XPO7: variants seen among roughly 807,000 people sequenced by gnomAD.
The protein encoded by XPO7 is exportin-7.
In XPO7, 21 loss-of-function variants were observed where a neutral mutation model predicts 144.3. The ratio of observed to expected loss-of-function variants is 0.15; its 90% CI spans 0.10 to 0.21. XPO7 has a LOEUF of 0.21. XPO7 is among the 10% of genes least tolerant of loss of function. The pLI, the probability that XPO7 is intolerant of heterozygous loss-of-function variation, is 1.00. For synonymous variants in XPO7, 580 were observed against 499.6 expected, an observed-to-expected ratio of 1.16 and a Z score of -2.15; for missense variants, 808 against 1,325.8, an observed-to-expected ratio of 0.61 and a Z score of 6.06.
At chr8:21,920,882 A>T (rs908183928) in intron 1 of XPO7, among the ~76,000 whole-genome samples, 1 of 152,228 alleles carries the variant, frequency 6.6e-6, no homozygotes, top group Non-Finnish European at 1.5e-5. Flanking sequence ...AGTAAGAAGA[A>T]TGATCTCATT....
chr8:22,005,294 G>A lies in XPO7; in HGVS notation c.*206G>A. 2.7e-6 allele frequency: 1 copy of A among 375,244 alleles called. No homozygotes were observed. Among genetic ancestry groups the A allele is most frequent in the Non-Finnish European group, 4.8e-6 (1 of 209,574 alleles). 23.2% of individuals were successfully genotyped at this position (375,244 alleles called of 1,614,324 possible). On this transcript the variant is annotated 3_prime_UTR_variant, in exon 28 of 28. Coordinates refer to ENST00000252512, the MANE Select transcript of XPO7 (RefSeq NM_015024.5). ...GGCAGGGCGCTGCTGGTTCCTGGGG[G>A]ACTGGGTGGGAAGGGTGGTGGGAGG...
intron 1 of XPO7, among the ~76,000 whole-genome samples, chr8:21,940,905 C>T (rs1047806382): frequency 1.2e-4 from 19 of 152,104 alleles, no homozygotes; most frequent in African/African-American, 4.3e-4. Context: ...ATACCCCAAA[C>T]AGAGGTACAT....
At chr8:21,972,823 A>G (rs960687523) in intron 5 of XPO7, among the ~76,000 whole-genome samples, 5 of 152,168 alleles carry the variant, frequency 3.3e-5, no homozygotes, top group African/African-American at 1.2e-4. Context: ...TAACCCTGAG[A>G]AATCTTAACT....
At chr8:21,983,994 A>T (rs934287907) in intron 11 of XPO7, among the ~76,000 whole-genome samples, 1 of 152,230 alleles carries the variant, frequency 6.6e-6, no homozygotes, top group Admixed American at 6.5e-5. Context: ...CTGCAATTCC[A>T]AAGTCAAAGA....
chr8:21,996,190 G>A (rs1018390381), intron 21 of XPO7, among the ~76,000 whole-genome samples: 3 of 152,182 alleles, frequency 2.0e-5, no homozygotes, highest in East Asian at 1.9e-4. Context: ...TTGGGAGGCC[G>A]AAGTGGGCAG....
intron 27 of XPO7, 50 bp from the exon 28 acceptor site, chr8:22,004,945 A>T: frequency 1.3e-6 from 1 of 762,822 alleles, no homozygotes; most frequent in Middle Eastern, 2.8e-4. Flanking sequence ...AAAGGCAAAT[A>T]CCTTTCCCCC....
At chr8:21,984,310 A>G (rs1404401063) in intron 11 of XPO7, among the ~76,000 whole-genome samples, 12 of 152,182 alleles carry the variant, frequency 7.9e-5, no homozygotes, top group Admixed American at 7.9e-4. Flanking sequence ...ACAGTTTACT[A>G]TAGTCAAGAA....
intron 21 of XPO7, among the ~76,000 whole-genome samples, chr8:21,996,634 A>G (rs968400875): frequency 6.6e-6 from 1 of 152,210 alleles, no homozygotes; most frequent in Non-Finnish European, 1.5e-5. Flanking sequence ...GGCAGGATCA[A>G]TAAAAATTTA....
At chr8:21,922,503 C>G (rs542341581) in intron 1 of XPO7, among the ~76,000 whole-genome samples, 2 of 152,182 alleles carry the variant, frequency 1.3e-5, no homozygotes, top group African/African-American at 2.4e-5. Context: ...AGAAAAAAAT[C>G]AAACTTACTT....
At chr8:21,981,421 G>T (rs531124914) in intron 9 of XPO7, among the ~76,000 whole-genome samples, 1 of 152,262 alleles carries the variant, frequency 6.6e-6, no homozygotes, top group Admixed American at 6.5e-5. Flanking sequence ...CTGCTATAAT[G>T]AGCTTTACAG....
intron 16 of XPO7, among the ~76,000 whole-genome samples, chr8:21,989,959 C>T (rs1164038942): frequency 3.4e-5 from 5 of 149,164 alleles, no homozygotes; most frequent in African/African-American, 9.8e-5. Flanking sequence ...ATGCCATTCT[C>T]CTGCCTCAGC....
intron 17 of XPO7, 40 bp downstream of exon 17, chr8:21,990,447 CCA>C (rs1812733427): frequency 1.2e-6 from 2 of 1,603,824 alleles, no homozygotes; most frequent in Admixed American, 1.7e-5. Flanking sequence ...CTCCTACCAC[CCA>C]CACATACACT....
chr8:21,951,576 C>T (rs779652482), intron 1 of XPO7, among the ~76,000 whole-genome samples: 1 of 152,194 alleles, frequency 6.6e-6, no homozygotes, highest in Non-Finnish European at 1.5e-5. Flanking sequence ...CAGAGCTGCA[C>T]ATAAAACCAC....
intron 1 of XPO7, among the ~76,000 whole-genome samples, chr8:21,930,321 G>A (rs1810601983): frequency 6.6e-6 from 1 of 152,262 alleles, no homozygotes; most frequent in African/African-American, 2.4e-5. Flanking sequence ...AGATTGTTAG[G>A]CAATGGGAAT....
At chr8:21,998,268 C>T (rs1279078915) in intron 21 of XPO7, among the ~76,000 whole-genome samples, 3 of 152,072 alleles carry the variant, frequency 2.0e-5, no homozygotes, top group East Asian at 1.9e-4. Context: ...GGTGAAATCC[C>T]ATCTCCACTA....
At chr8:22,004,899 A>C in intron 27 of XPO7, 96 bp from the exon 28 acceptor site, 5 of 650,616 alleles carry the variant, frequency 7.7e-6, no homozygotes, top group Non-Finnish European at 1.3e-5. Context: ...ATCAATTCAT[A>C]CATTCTACTT....
chr8:21,961,704 G>GCAGTGGCAGGAT (rs1811731046), intron 1 of XPO7, among the ~76,000 whole-genome samples: 1 of 152,122 alleles, frequency 6.6e-6, no homozygotes, highest in African/African-American at 2.4e-5. Context: ...AGGCTGGAGT[G>GCAGTGGCAGGAT]CAGTGGCAGG....
rs958124345 is a variant in XPO7, at chr8:21,984,886, G to T, written c.1471+47G>T. 5.6e-6 allele frequency: 9 copies of T among 1,593,002 alleles called. No homozygotes were observed. The Admixed American group carries it at 6.8e-5, about 12-fold the overall frequency. ...AACTCTAGACCTGTGAGGAGATGTT[G>T]TCTAGTACCCCTTCGCTCATTGCCA... On this transcript the variant is annotated intron_variant, in intron 12 of 27. Transcript: ENST00000252512.
intron 1 of XPO7, among the ~76,000 whole-genome samples, chr8:21,941,133 C>CTTTTTT (rs34622488): frequency 6.9e-6 from 1 of 145,436 alleles, no homozygotes; most frequent in Non-Finnish European, 1.5e-5. Flanking sequence ...CTCCTATATG[C>CTTTTTT]TTTTTTTTTT....
Sources: gnomAD v4.1 joint callset for allele counts (sites outside exome capture counted in the v4.1 genomes callset) on GRCh38, gnomAD v4.1.1 for gene constraint, MANE v1.5 for transcripts, NCBI Gene and HGNC (gene_info 2026-07-23, HGNC 2026-07-21) for gene names.